Variants in RAP1B observed in about 807,000 individuals in gnomAD.
RAP1B encodes the protein RAP1B, member of RAS oncogene family, also known as ras-related protein Rap-1b.
Under a neutral mutation model 27.5 loss-of-function variants are expected in RAP1B, and 1 was observed. That is an observed-to-expected ratio of 0.04 (90% CI 0.01 to 0.17). The LOEUF is 0.17. RAP1B is among the 10% of genes least tolerant of loss of function. The probability of loss-of-function intolerance (pLI) is 1.00; values close to 1 mark genes in which losing one functional copy is unlikely to be tolerated. For missense variants in RAP1B, 84 were observed against 214.8 expected (o/e 0.39, Z 3.81); for synonymous variants, 75 against 73.1 (o/e 1.03, Z -0.13).
At chr12:68,632,908 A>G (rs1246967034) in intron 1 of RAP1B, among the ~76,000 whole-genome samples, 2 of 152,176 alleles carry the variant, frequency 1.3e-5, no homozygotes, top group African/African-American at 4.8e-5. Context: ...GGCCCCAAGC[A>G]GTCCTCCCAC....
At chr12:68,650,813 C>T (rs1255032125) in intron 3 of RAP1B, 1 of 156,504 alleles carries the variant, frequency 6.4e-6, no homozygotes, top group Non-Finnish European at 1.4e-5. Context: ...GGACACAGGT[C>T]TTCCTAAGCT....
chr12:68,622,242 T>G (rs1276086272), intron 1 of RAP1B, among the ~76,000 whole-genome samples: 1 of 152,240 alleles, frequency 6.6e-6, no homozygotes, highest in Non-Finnish European at 1.5e-5. Flanking sequence ...CACCCTTGTT[T>G]AAGCCACAGT....
chr12:68,616,320 TGTCA>T (rs1285918948), intron 1 of RAP1B, among the ~76,000 whole-genome samples: 26 of 151,802 alleles, frequency 1.7e-4, no homozygotes, highest in Non-Finnish European at 2.6e-4. Context: ...AGTCTCGCTC[TGTCA>T]GTCAGGCTGG....
At chr12:68,652,204 G>A (rs538986377) in intron 4 of RAP1B, among the ~76,000 whole-genome samples, 153 bp downstream of exon 4, 2 of 152,146 alleles carry the variant, frequency 1.3e-5, no homozygotes, top group East Asian at 1.9e-4. Context: ...CCAGCACTTC[G>A]GGAGGTCAAG....
At position 68,669,731 on chromosome 12, in the gene RAP1B, G is replaced by A. The variant is rs958719617; in HGVS notation, c.*10482G>A. 1 of 152,028 alleles carries A rather than the reference G, an allele frequency of 6.6e-6. No individual in the cohort carries two copies. Among genetic ancestry groups the A allele is most frequent in the African/African-American group, 2.4e-5 (1 of 41,334 alleles). 9.4% of individuals were successfully genotyped at this position (152,028 alleles called of 1,614,324 possible). A position where few individuals can be genotyped will look rare whatever the true frequency, so the allele number is the denominator to read the frequency against. Reference sequence around the variant, plus strand: ...CAGGAGAATCGCTTGAACCCAGGAGGCAGAGGGTGCAGTAGCTGAGATTGT... The same window carrying A: ...CAGGAGAATCGCTTGAACCCAGGAGACAGAGGGTGCAGTAGCTGAGATTGT... On this transcript the variant is annotated 3_prime_UTR_variant, in exon 8 of 8. Coordinates refer to ENST00000250559, the MANE Select transcript of RAP1B (RefSeq NM_001010942.3).
rs980868134 is a variant in RAP1B at position 68,665,900 on chromosome 12, C to T, written c.*6651C>T. ...AGAGAGTCTGGCTCTGTCACCCAGG[C>T]TGGTGTGCAGTGGCGCGATCTCGGC... On this transcript the variant is annotated 3_prime_UTR_variant, in exon 8 of 8. Transcript: ENST00000250559. 15 of 151,640 alleles carry T rather than the reference C, an allele frequency of 9.9e-5. No homozygotes were observed. The highest frequency in any genetic ancestry group is 3.6e-4 in the African/African-American group (15 of 41,138). The allele number at this position is 151,640 out of a possible 1,614,324, so 9.4% of individuals were successfully genotyped here.
Position 68,615,468 on chromosome 12 carries a change from A to G in RAP1B, c.-27+4425A>G, listed in dbSNP as rs1295195824. On this transcript the variant is annotated intron_variant, in intron 1 of 7. Transcript: ENST00000250559. Reference sequence around the variant, plus strand: ...CCTGGGCGTAGTGGGAGGTGCCTGTAATCCGAGCTGCTTGGGAGACTGAGG... The same window carrying G: ...CCTGGGCGTAGTGGGAGGTGCCTGTGATCCGAGCTGCTTGGGAGACTGAGG... Among the ~76,000 whole-genome samples, 2 of 152,088 alleles carry G rather than the reference A, an allele frequency of 1.3e-5. 1 individual carries two copies. Among genetic ancestry groups the G allele is most frequent in the South Asian group, 4.1e-4 (2 of 4,822 alleles).
intron 1 of RAP1B, chr12:68,624,642 C>T (rs1384467494): frequency 6.6e-6 from 1 of 152,032 alleles, no homozygotes; most frequent in East Asian, 1.9e-4. Flanking sequence ...ATGGTGAAAC[C>T]CCATCTTTAC....
rs1384807770 is a variant in RAP1B at position 68,671,237 on chromosome 12, A to G, written c.*11988A>G. ...AACACTACAGTCCCAGAAGAGAGGT[A>G]AAGGGCAAGAAATGAATCATTTATT... On this transcript the variant is annotated 3_prime_UTR_variant, in exon 8 of 8. Coordinates refer to ENST00000250559, the MANE Select transcript of RAP1B (RefSeq NM_001010942.3). 6.6e-6 allele frequency: 1 copy of G among 152,156 alleles called. No homozygotes were observed. Among genetic ancestry groups the G allele is most frequent in the Non-Finnish European group, 1.5e-5 (1 of 68,032 alleles). 9.4% of individuals were successfully genotyped at this position (152,156 alleles called of 1,614,324 possible).
intron 1 of RAP1B, chr12:68,621,409 A>G (rs1326596961): frequency 6.6e-6 from 1 of 152,182 alleles, no homozygotes; most frequent in African/African-American, 2.4e-5. Flanking sequence ...AAATCCTTCT[A>G]TTTTAGCTTG....
At position 68,627,455 on chromosome 12, in the gene RAP1B, TA is replaced by T. The variant is rs1453597554; in HGVS notation, c.-27+16415del. 2.1e-5 allele frequency: 7 copies of T among 331,654 alleles called. No homozygotes were observed. The East Asian group carries it at 3.3e-4, about 16-fold the overall frequency. The allele number at this position is 331,654 out of a possible 1,614,324, so 20.5% of individuals were successfully genotyped here. On this transcript the variant is annotated intron_variant, in intron 1 of 7. Coordinates refer to ENST00000250559, the MANE Select transcript of RAP1B (RefSeq NM_001010942.3). ...TTTACTAATAATAGTGTTAGGAGTA[TA>T]AATGGTTTGGTAGCCAACCACTACT...
intron 1 of RAP1B, among the ~76,000 whole-genome samples, chr12:68,618,697 A>G (rs1871189396): frequency 6.6e-6 from 1 of 152,154 alleles, no homozygotes; most frequent in African/African-American, 2.4e-5. Context: ...AGAGTACTTC[A>G]CTGTCCTAGT....
At chr12:68,637,674 C>T (rs1335809641) in intron 1 of RAP1B, among the ~76,000 whole-genome samples, 2 of 143,604 alleles carry the variant, frequency 1.4e-5, no homozygotes, top group Non-Finnish European at 1.5e-5. Flanking sequence ...TGGTAAATTA[C>T]GTAGCTAGTT....
intron 1 of RAP1B, among the ~76,000 whole-genome samples, chr12:68,616,438 A>AT (rs142174644): frequency 0.024 from 2,163 of 89,474 alleles, 179 homozygotes; most frequent in African/African-American, 0.04. Context: ...TGCCTGGCTA[A>AT]TTTTTTTTTT....
At chr12:68,655,540 T>G (rs1268910670) in intron 5 of RAP1B, among the ~76,000 whole-genome samples, 1 of 150,014 alleles carries the variant, frequency 6.7e-6, no homozygotes, top group African/African-American at 2.4e-5. Flanking sequence ...ATTGGCTTTT[T>G]TTTTTTTTTT....
At chr12:68,653,794 G>T (rs1480456320) in intron 4 of RAP1B, among the ~76,000 whole-genome samples, 1 of 151,904 alleles carries the variant, frequency 6.6e-6, no homozygotes, top group Non-Finnish European at 1.5e-5. Flanking sequence ...AGCCGGGCAT[G>T]GTGGTGTGCG....
Position 68,664,457 on chromosome 12 carries a change from C to T in RAP1B, c.*5208C>T, listed in dbSNP as rs2135980000. 1.3e-5 allele frequency: 2 copies of T among 152,310 alleles called. No homozygotes were observed. Among genetic ancestry groups the T allele is most frequent in the African/African-American group, 4.8e-5 (2 of 41,536 alleles). 9.4% of individuals were successfully genotyped at this position (152,310 alleles called of 1,614,324 possible). A position where few individuals can be genotyped will look rare whatever the true frequency, so the allele number is the denominator to read the frequency against. ...GCATGGTGGCTCACACTTGTAATCC[C>T]AATGCTTTGGGAGGCCGAGATGGGT... On this transcript the variant is annotated 3_prime_UTR_variant, in exon 8 of 8. Transcript: ENST00000250559.
chr12:68,627,413 C>T (rs1200557657), intron 1 of RAP1B: 4 of 504,278 alleles, frequency 7.9e-6, no homozygotes, highest in Non-Finnish European at 1.4e-5. Context: ...TACCCAATCC[C>T]TACTAGAATG....
intron 1 of RAP1B, among the ~76,000 whole-genome samples, chr12:68,622,023 C>T (rs977375444): frequency 6.6e-6 from 1 of 152,044 alleles, no homozygotes; most frequent in Non-Finnish European, 1.5e-5. Flanking sequence ...GTAGTTAGAC[C>T]TTTTATTGTA....
Sources: allele counts gnomAD v4.1 joint callset (sites outside exome capture counted in the v4.1 genomes callset), GRCh38; gene constraint gnomAD v4.1.1; transcripts MANE v1.5; gene names NCBI Gene and HGNC (gene_info 2026-07-23, HGNC 2026-07-21).